Variants in DLAT observed in about 807,000 individuals in gnomAD.
DLAT encodes dihydrolipoamide S-acetyltransferase.
DLAT carries 43 observed loss-of-function variants against 68.0 expected under a neutral mutation model. That is an observed-to-expected ratio of 0.63 (90% CI 0.50 to 0.81). The LOEUF is 0.81. DLAT is among the 40% of genes least tolerant of loss of function. The probability of loss-of-function intolerance (pLI) is 0.00; values close to 1 mark genes in which losing one functional copy is unlikely to be tolerated. For synonymous variants in DLAT, 265 were observed against 288.6 expected, an observed-to-expected ratio of 0.92 and a Z score of 0.83; for missense variants, 745 against 815.4, an observed-to-expected ratio of 0.91 and a Z score of 1.05.
chr11:112,056,230 T>C (rs1555182584), intron 11 of DLAT, among the ~76,000 whole-genome samples: 2 of 152,174 alleles, frequency 1.3e-5, no homozygotes. Flanking sequence ...CTGCTCTAAG[T>C]GTACAATTTC....
intron 5 of DLAT, among the ~76,000 whole-genome samples, chr11:112,035,337 T>A (rs1862644460): frequency 6.6e-6 from 1 of 152,206 alleles, no homozygotes; most frequent in Non-Finnish European, 1.5e-5. Flanking sequence ...GGATTCTGTT[T>A]CTTAAAAACA....
At chr11:112,052,009 T>C (rs1162896138) in intron 11 of DLAT, among the ~76,000 whole-genome samples, 1 of 152,194 alleles carries the variant, frequency 6.6e-6, no homozygotes, top group African/African-American at 2.4e-5. Flanking sequence ...AGAAACAGAC[T>C]CCGTGAGTTA....
chr11:112,029,900 A>G, intron 4 of DLAT: 1 of 686,348 alleles, frequency 1.5e-6, no homozygotes, highest in Non-Finnish European at 2.7e-6. Flanking sequence ...CTGTGGGAAC[A>G]TTCTGAATCT....
In DLAT at chr11:112,060,038, G is replaced by C; in HGVS notation, c.1650G>C (p.Glu550Asp). The C allele has an allele frequency of 6.2e-7, 1 of 1,613,914 alleles. No individual in the cohort carries two copies. The highest frequency in any genetic ancestry group is 8.5e-7 in the Non-Finnish European group (1 of 1,179,926). The change falls in exon 12 of 14, where the codon GAG becomes GAC. Residue 550 changes from glutamate (E) to aspartate (D), a missense_variant. By Grantham distance (45) the Glu-to-Asp change is conservative (BLOSUM62 2). Transcript: ENST00000280346. ...TTTCTTTAGCAACCAAAGCAAGAGA[G>C]GGTAAACTACAGCCACATGAATTCC... Reference protein sequence around the residue: ...DVVSLATKAREGKLQPHEFQG... With the variant: ...DVVSLATKARDGKLQPHEFQG...
At chr11:112,036,621 G>A (rs1862795892) in intron 5 of DLAT, 1 of 152,470 alleles carries the variant, frequency 6.6e-6, no homozygotes, top group Non-Finnish European at 1.5e-5. Flanking sequence ...GCTTCTTTTA[G>A]TTTTACTTTT....
chr11:112,036,205 T>TTTTG (rs1566617838), intron 5 of DLAT, among the ~76,000 whole-genome samples: 4 of 36,920 alleles, frequency 1.1e-4, no homozygotes, highest in African/African-American at 4.1e-4. Context: ...GTGTGTGTTT[T>TTTTG]TTTTTTTTTT....
At chr11:112,048,377 A>T (rs181338748) in intron 10 of DLAT, among the ~76,000 whole-genome samples, 1 of 152,292 alleles carries the variant, frequency 6.6e-6, no homozygotes, top group Admixed American at 6.5e-5. Context: ...GACTGAGATG[A>T]TGGGGTTTTC....
At chr11:112,039,713 A>G (rs1862956522) in intron 7 of DLAT, among the ~76,000 whole-genome samples, 3 of 152,150 alleles carry the variant, frequency 2.0e-5, no homozygotes, top group Non-Finnish European at 4.4e-5. Flanking sequence ...TTGATTATGT[A>G]ATAAGAAACC....
rs139204615 is a variant in DLAT at position 112,039,129 on chromosome 11, G to A, written c.976-115G>A. ...CATTATGATCTTTGGAAAAATGAAA[G>A]TTATTAATATTTAATTAAAATAGTT... On this transcript the variant is annotated intron_variant, in intron 6 of 13. Transcript: ENST00000280346. 2,470 of 1,020,370 alleles carry A rather than the reference G, an allele frequency of 2.4e-3. 49 individuals carry two copies. In the African/African-American group the frequency reaches 0.038, roughly 16 times the overall value. The allele number at this position is 1,020,370 out of a possible 1,614,324, so 63.2% of individuals were successfully genotyped here. A position where few individuals can be genotyped will look rare whatever the true frequency, so the allele number is the denominator to read the frequency against.
chr11:112,034,552 C>T (rs781837421), intron 5 of DLAT, among the ~76,000 whole-genome samples: 3 of 151,806 alleles, frequency 2.0e-5, no homozygotes, highest in Non-Finnish European at 4.4e-5. Context: ...ACGCCATTCT[C>T]CTGCCTCAGC....
At chr11:112,029,322 G>A (rs1281606823) in intron 4 of DLAT, among the ~76,000 whole-genome samples, 2 of 152,124 alleles carry the variant, frequency 1.3e-5, no homozygotes, top group African/African-American at 4.8e-5. Context: ...ACCTAGGGCT[G>A]GGTAATTTAT....
rs781934980 is a variant in DLAT at position 112,039,313 on chromosome 11, G to C, written c.1045G>C (p.Ala349Pro). 1.9e-5 allele frequency: 31 copies of C among 1,613,970 alleles called. No individual in the cohort carries two copies. Among genetic ancestry groups the C allele is most frequent in the African/African-American group, 2.7e-5 (2 of 74,896 alleles). The change falls in exon 7 of 14, where the codon GCT becomes CCT. Residue 349 changes from alanine to proline, a missense_variant. By Grantham distance (27) the Ala-to-Pro change is conservative. Coordinates refer to ENST00000280346, the MANE Select transcript of DLAT (RefSeq NM_001931.5). ...TTCAGCACCCTGCCCAGCTACTCCT[G>C]CTGGACCAAAGGGAAGGGTGTTTGT... is the stretch of plus-strand genomic sequence containing the variant. Reference protein sequence around the residue: ...TPSAPCPATPAGPKGRVFVSP... With the variant: ...TPSAPCPATPPGPKGRVFVSP...
At chr11:112,053,686 C>G (rs1386660685) in intron 11 of DLAT, among the ~76,000 whole-genome samples, 3 of 152,146 alleles carry the variant, frequency 2.0e-5, no homozygotes, top group African/African-American at 7.2e-5. Context: ...AACTCTTGAC[C>G]TTGTGAGCCG....
chr11:112,038,863 A>G (rs1247448993), intron 6 of DLAT, among the ~76,000 whole-genome samples: 1 of 151,970 alleles, frequency 6.6e-6, no homozygotes, highest in African/African-American at 2.4e-5. Context: ...AAGAAAAAAA[A>G]AAAAGAAGTT....
At chr11:112,061,010 A>C in intron 12 of DLAT, 28 bp from the exon 13 acceptor site, 2 of 1,535,716 alleles carry the variant, frequency 1.3e-6, no homozygotes, top group Non-Finnish European at 1.8e-6. Flanking sequence ...GACAAACTAT[A>C]ATTTATTTTT....
At chr11:112,062,323 G>T in intron 13 of DLAT, 83 bp from the exon 14 acceptor site, 1 of 1,450,284 alleles carries the variant, frequency 6.9e-7, no homozygotes, top group Non-Finnish European at 9.6e-7. Flanking sequence ...GGATTATAGG[G>T]TAGGAGTGAG....
chr11:112,044,851 G>A (rs1863222403), intron 8 of DLAT, among the ~76,000 whole-genome samples: 1 of 152,120 alleles, frequency 6.6e-6, no homozygotes, highest in South Asian at 2.1e-4. Flanking sequence ...AGGGCAACGT[G>A]GCTAATTTCC....
At chr11:112,047,866 A>G (rs797032927) in intron 10 of DLAT, among the ~76,000 whole-genome samples, 22 of 152,182 alleles carry the variant, frequency 1.4e-4, no homozygotes, top group African/African-American at 5.3e-4. Context: ...TGGTTACTGT[A>G]GCCTTATAGT....
At chr11:112,037,133 C>T (rs1398015279) in intron 5 of DLAT, 140 bp from the exon 6 acceptor site, 1 of 736,198 alleles carries the variant, frequency 1.4e-6, no homozygotes. Flanking sequence ...GAAACCAAGA[C>T]ACAGAAGGTT....
Sources: gnomAD v4.1 joint callset for allele counts (sites outside exome capture counted in the v4.1 genomes callset) on GRCh38, gnomAD v4.1.1 for gene constraint, MANE v1.5 for transcripts, NCBI Gene and HGNC (gene_info 2026-07-23, HGNC 2026-07-21) for gene names.